GPR161: variants seen among roughly 807,000 people sequenced by gnomAD.
GPR161 encodes G-protein coupled receptor RE2.
Under a neutral mutation model 39.2 loss-of-function variants are expected in GPR161, and 25 were observed. That is an observed-to-expected ratio of 0.64 (90% CI 0.47 to 0.89). The LOEUF (loss-of-function observed/expected upper bound fraction) is 0.89. GPR161 is among the 40% of genes least tolerant of loss of function. GPR161 has a pLI of 0.00. For synonymous variants in GPR161, 286 were observed against 276.6 expected, an observed-to-expected ratio of 1.03 and a Z score of -0.34; for missense variants, 547 against 677.8, an observed-to-expected ratio of 0.81 and a Z score of 2.14.
rs149995678 is a variant in GPR161, at chr1:168,080,396, GAC to G, written c.*5133_*5134del. The G allele has an allele frequency of 3.9e-5, 6 of 152,450 alleles. No homozygotes were observed. In the East Asian group the frequency reaches 1.2e-3, roughly 29 times the overall value. 9.4% of individuals were successfully genotyped at this position (152,450 alleles called of 1,614,324 possible). A position where few individuals can be genotyped will look rare whatever the true frequency, so the allele number is the denominator to read the frequency against. ...TGGCTTAACTTACTTTGAGACCTCAGACAATTGCCCTGGATTCTGTGTCCCCT... is the reference window on the plus strand; with the variant it reads ...TGGCTTAACTTACTTTGAGACCTCAGAATTGCCCTGGATTCTGTGTCCCCT... On this transcript the variant is annotated 3_prime_UTR_variant, in exon 6 of 6. Coordinates refer to ENST00000682931, the MANE Select transcript of GPR161 (RefSeq NM_001375883.1).
At chr1:168,123,185 C>G (rs1171547514) in intron 1 of GPR161, among the ~76,000 whole-genome samples, 1 of 152,182 alleles carries the variant, frequency 6.6e-6, no homozygotes, top group Admixed American at 6.5e-5. Context: ...GTGACTCATG[C>G]CTATAATCCC....
Position 168,098,911 on chromosome 1 carries a change from T to C in GPR161, c.375-1679A>G, listed in dbSNP as rs1209347349. 6.6e-6 allele frequency among the ~76,000 whole-genome samples: 1 copy of C among 152,240 alleles called. No homozygotes were observed. Among genetic ancestry groups the C allele is most frequent in the Non-Finnish European group, 1.5e-5 (1 of 68,046 alleles). ...ATTCAAGTTCAGATGGAGGCTCTGA[T>C]GTCTATTAGCTATGTGACCTCAGCT... On this transcript the variant is annotated intron_variant, in intron 2 of 5. Transcript: ENST00000682931. The surrounding 1 kb of genome is among the most constrained non-coding windows in gnomAD (Gnocchi z 4.1).
intron 1 of GPR161, among the ~76,000 whole-genome samples, chr1:168,121,732 C>T (rs1045847981): frequency 6.6e-6 from 1 of 152,216 alleles, no homozygotes; most frequent in African/African-American, 2.4e-5. Flanking sequence ...TTCAGCTGCA[C>T]ATTAGGCAGG....
At position 168,084,491 on chromosome 1, in the gene GPR161, C is replaced by T; in HGVS notation, c.*1040G>A. On this transcript the variant is annotated 3_prime_UTR_variant, in exon 6 of 6. Transcript: ENST00000682931. ...ATGTGCACACAAAGACAGAGCTGGG[C>T]CAATAACCCAGGTTGCTGGCTGTGG... is the stretch of plus-strand genomic sequence containing the variant. 3.1e-6 allele frequency: 1 copy of T among 323,680 alleles called. No individual in the cohort carries two copies. The highest frequency in any genetic ancestry group is 6.0e-6 in the Non-Finnish European group (1 of 168,050). 20.1% of individuals were successfully genotyped at this position (323,680 alleles called of 1,614,324 possible).
intron 1 of GPR161, chr1:168,133,893 G>A (rs1699174429): frequency 2.1e-6 from 2 of 967,050 alleles, no homozygotes; most frequent in Non-Finnish European, 2.5e-6. Flanking sequence ...TCCAGGCTTG[G>A]TGACCATATT....
At chr1:168,104,997 A>T (rs1696474603) in intron 1 of GPR161, 103 bp from the exon 2 acceptor site, 1 of 811,798 alleles carries the variant, frequency 1.2e-6, no homozygotes, top group African/African-American at 1.7e-5. Context: ...GCTACGCCTC[A>T]GATCACCCAG....
chr1:168,092,236 C>A (rs946363220), intron 3 of GPR161, among the ~76,000 whole-genome samples: 15 of 152,236 alleles, frequency 9.9e-5, no homozygotes, highest in Non-Finnish European at 2.1e-4. Context: ...CTGTGTTCAG[C>A]AGGAGGCCTG....
chr1:168,092,944 T>G (rs1317247226), intron 3 of GPR161, among the ~76,000 whole-genome samples: 3 of 152,038 alleles, frequency 2.0e-5, no homozygotes, highest in Non-Finnish European at 2.9e-5. Context: ...TGATACTGCC[T>G]GGGCCACCCT....
rs2102084255 is a variant in GPR161 at position 168,084,763 on chromosome 1, A to G, written c.*768T>C. ...CCGGTAAAACAGTGGTACGTCTTAA[A>G]TGGATTTTTTTTTTAATTCTGGAAA... is the stretch of plus-strand genomic sequence containing the variant. On this transcript the variant is annotated 3_prime_UTR_variant, in exon 6 of 6. Coordinates refer to ENST00000682931, the MANE Select transcript of GPR161 (RefSeq NM_001375883.1). 2.2e-6 allele frequency: 1 copy of G among 451,110 alleles called. No individual in the cohort carries two copies. Among genetic ancestry groups the G allele is most frequent in the Non-Finnish European group, 4.4e-6 (1 of 226,182 alleles). The allele number at this position is 451,110 out of a possible 1,614,324, so 27.9% of individuals were successfully genotyped here.
intron 2 of GPR161, among the ~76,000 whole-genome samples, chr1:168,100,151 T>C (rs1207596069): frequency 7.2e-6 from 1 of 138,374 alleles, no homozygotes; most frequent in African/African-American, 2.8e-5. Context: ...AAGGCTGCAA[T>C]GAGCCATGAC....
chr1:168,118,927 A>G (rs1572355569), intron 1 of GPR161, among the ~76,000 whole-genome samples: 1 of 152,026 alleles, frequency 6.6e-6, no homozygotes, highest in African/African-American at 2.4e-5. Context: ...AAAAGAAAAG[A>G]AAAGAAAAAA....
chr1:168,095,902 A>C (rs1695476385), intron 3 of GPR161, among the ~76,000 whole-genome samples: 1 of 152,070 alleles, frequency 6.6e-6, no homozygotes, highest in Non-Finnish European at 1.5e-5. Context: ...TGGGTGGCTG[A>C]GGTGGGCGGA....
At chr1:168,109,093 T>C (rs1182497862) in intron 1 of GPR161, among the ~76,000 whole-genome samples, 1 of 152,066 alleles carries the variant, frequency 6.6e-6, no homozygotes, top group African/African-American at 2.4e-5. Flanking sequence ...TCAGAAAGAT[T>C]AAGAAATTGA....
In GPR161 at chr1:168,096,949, G is replaced by A. The variant is rs749786252; in HGVS notation, c.658C>T (p.Arg220Cys). 24 of 1,614,014 alleles carry A rather than the reference G, an allele frequency of 1.5e-5. No individual in the cohort carries two copies. Among genetic ancestry groups the A allele is most frequent in the Non-Finnish European group, 1.9e-5 (22 of 1,180,038 alleles). Residue 220 changes from arginine to cysteine, a missense_variant, in exon 3 of 6, where the codon CGC becomes TGC. Transcript: ENST00000682931. ...ACGACTGTGCCACAGTGCACCTTGC[G>A]TGCCTTGACCCTGGCCACGCGGAAG... ...FIFRVARVKA[R>C]KVHCGTVVIV...
chr1:168,100,879 C>T (rs1459459227), intron 2 of GPR161, among the ~76,000 whole-genome samples: 1 of 152,172 alleles, frequency 6.6e-6, no homozygotes, highest in Non-Finnish European at 1.5e-5. Flanking sequence ...AGCTTGGCAG[C>T]GATGATAGAG....
chr1:168,129,643 C>G (rs570002402), intron 1 of GPR161, among the ~76,000 whole-genome samples: 1 of 152,132 alleles, frequency 6.6e-6, no homozygotes, highest in Non-Finnish European at 1.5e-5. Context: ...TTAAAGACGC[C>G]AACATTTTGG....
chr1:168,086,556 G>A (rs1694514221), intron 5 of GPR161, among the ~76,000 whole-genome samples: 1 of 152,178 alleles, frequency 6.6e-6, no homozygotes, highest in Non-Finnish European at 1.5e-5. Context: ...CTCACTCATG[G>A]CAGGGGAGGA....
chr1:168,127,761 C>T (rs1698697761), intron 1 of GPR161, among the ~76,000 whole-genome samples: 1 of 152,148 alleles, frequency 6.6e-6, no homozygotes, highest in Non-Finnish European at 1.5e-5. Context: ...AATTCAATCA[C>T]CTCCCACTGG....
At chr1:168,092,614 T>G (rs1558092768) in intron 3 of GPR161, among the ~76,000 whole-genome samples, 1 of 152,068 alleles carries the variant, frequency 6.6e-6, no homozygotes, top group African/African-American at 2.4e-5. Flanking sequence ...AGGCATGCGG[T>G]GAGCAACAGT....
Sources: gnomAD v4.1 joint callset for allele counts (sites outside exome capture counted in the v4.1 genomes callset) on GRCh38, gnomAD v4.1.1 for gene constraint, Gnocchi (gnomAD v3.1) non-coding constraint, MANE v1.5 for transcripts, NCBI Gene and HGNC (gene_info 2026-07-23, HGNC 2026-07-21) for gene names.